The following TBC1D23 variants were observed in gnomAD, a reference collection of about 807,000 sequenced individuals.
The protein encoded by TBC1D23 is HCV non-structural protein 4A-transactivated protein 1.
In TBC1D23, 55 loss-of-function variants were observed where a neutral mutation model predicts 91.4. The ratio of observed to expected loss-of-function variants is 0.60; its 90% CI spans 0.48 to 0.75. The LOEUF (loss-of-function observed/expected upper bound fraction) is 0.75, where lower values mean the gene tolerates loss of function less well. Ranked by LOEUF, TBC1D23 falls within the 30% of genes least tolerant of loss-of-function variation. The pLI is 0.00. For synonymous variants in TBC1D23, 289 were observed against 281.0 expected, an observed-to-expected ratio of 1.03 and a Z score of -0.28; for missense variants, 725 against 836.1, an observed-to-expected ratio of 0.87 and a Z score of 1.64.
chr3:100,320,122 C>A (rs1705823633), intron 17 of TBC1D23, among the ~76,000 whole-genome samples: 1 of 152,072 alleles, frequency 6.6e-6, no homozygotes, highest in African/African-American at 2.4e-5. Flanking sequence ...CATCCCCCCA[C>A]CCCCTCGCTT....
chr3:100,322,735 A>G (rs1705881844), intron 18 of TBC1D23, among the ~76,000 whole-genome samples: 1 of 152,174 alleles, frequency 6.6e-6, no homozygotes, highest in African/African-American at 2.4e-5. Flanking sequence ...AATTTTGCTA[A>G]ATAAATTGAA....
At chr3:100,298,089 A>T in intron 9 of TBC1D23, 44 bp downstream of exon 9, 10 of 1,568,762 alleles carry the variant, frequency 6.4e-6, no homozygotes, top group Non-Finnish European at 8.7e-6. Flanking sequence ...GTTCATTTTA[A>T]ATACAAGGAA....
chr3:100,289,214 T>TA (rs2067768988), intron 4 of TBC1D23, among the ~76,000 whole-genome samples: 3 of 151,796 alleles, frequency 2.0e-5, no homozygotes. Context: ...GACCCTGTCT[T>TA]AAAAAAACAA....
intron 4 of TBC1D23, chr3:100,284,016 C>T: frequency 3.9e-6 from 2 of 510,364 alleles, no homozygotes; most frequent in Non-Finnish European, 6.9e-6. Flanking sequence ...ACTTCTGAAA[C>T]AGTGGTTATA....
chr3:100,316,227 T>G, intron 16 of TBC1D23, 40 bp downstream of exon 16: 8 of 1,374,346 alleles, frequency 5.8e-6, no homozygotes, highest in Non-Finnish European at 7.3e-6. Context: ...TTTGCTGTCA[T>G]TAGGAGTGAT....
At position 100,301,058 on chromosome 3, in the gene TBC1D23, TTA is replaced by T. The variant is rs1705418146; in HGVS notation, c.1093-1006_1093-1005del. On this transcript the variant is annotated intron_variant, in intron 10 of 18. Transcript: ENST00000394144. ...TAATAATGCTGCATTTGACATCTTTTTATACATTTTGTGAACTTATGCAAATA... is the reference window on the plus strand; with the variant it reads ...TAATAATGCTGCATTTGACATCTTTTTACATTTTGTGAACTTATGCAAATA... 2.6e-5 allele frequency among the ~76,000 whole-genome samples: 4 copies of T among 152,206 alleles called. No homozygotes were observed. In the South Asian group the frequency reaches 8.3e-4, roughly 32 times the overall value.
intron 8 of TBC1D23, among the ~76,000 whole-genome samples, chr3:100,296,826 C>G (rs1257126897): frequency 1.4e-5 from 2 of 147,966 alleles, no homozygotes; most frequent in Non-Finnish European, 3.0e-5. Context: ...TGCCACTGCA[C>G]TCCAGCCTGG....
rs148623930 is a variant in TBC1D23, at chr3:100,297,945, G to C, written c.899G>C (p.Ser300Thr). 1,772 of 1,611,076 alleles carry C rather than the reference G, an allele frequency of 1.1e-3. 5 individuals carry two copies. The highest frequency in any genetic ancestry group is 2.3e-3 in the South Asian group (207 of 90,880). The change falls in exon 9 of 19, where the codon AGT becomes ACT. Residue 300 changes from serine to threonine, a missense_variant. Transcript: ENST00000394144. ...CAGGATAATCACCATCTCTTTGGTA[G>C]TACTTTGTTGGGAATTAAGGATGAT... ...FRKDNHHLFGSTLLGIKDDDA... is the reference protein window; with the variant it reads ...FRKDNHHLFGTTLLGIKDDDA...
At chr3:100,289,760 A>G (rs1034881628) in intron 4 of TBC1D23, among the ~76,000 whole-genome samples, 3 of 152,126 alleles carry the variant, frequency 2.0e-5, no homozygotes, top group African/African-American at 7.2e-5. Flanking sequence ...AATTATTTCT[A>G]ACTTTTATTC....
chr3:100,263,537 G>A (rs1225069942), intron 1 of TBC1D23, among the ~76,000 whole-genome samples: 2 of 152,202 alleles, frequency 1.3e-5, no homozygotes, highest in African/African-American at 4.8e-5. Flanking sequence ...GAGAGAAGTT[G>A]CAGAAAAATA....
intron 1 of TBC1D23, chr3:100,279,436 A>G: frequency 2.7e-6 from 1 of 368,338 alleles, no homozygotes; most frequent in Non-Finnish European, 5.0e-6. Context: ...GGAAAAGACA[A>G]CCAAACTAAG....
At chr3:100,321,429 T>G (rs1473143897) in intron 18 of TBC1D23, among the ~76,000 whole-genome samples, 1 of 152,196 alleles carries the variant, frequency 6.6e-6, no homozygotes, top group Non-Finnish European at 1.5e-5. Context: ...GTTCACAGAC[T>G]GGCCCAAGAG....
chr3:100,290,692 A>C lies in TBC1D23; in HGVS notation c.591A>C (p.Ala197=), dbSNP rs565493388. The C allele has an allele frequency of 3.1e-6, 5 of 1,606,554 alleles. No homozygotes were observed. The highest frequency in any genetic ancestry group is 4.3e-6 in the Non-Finnish European group (5 of 1,175,698). The change falls in exon 5 of 19, where the codon GCA becomes GCC. Residue 197 remains alanine (A), a synonymous_variant. Transcript: ENST00000394144. ...AGAAAATTACTCCAGACTCCTATGCACTCAACTGGGTAATAAAGTGAAAGT... is the reference window on the plus strand; with the variant it reads ...AGAAAATTACTCCAGACTCCTATGCCCTCAACTGGGTAATAAAGTGAAAGT... ...DTKKITPDSY[A]LNWLGSLFAC...
At chr3:100,315,112 A>G (rs1034477580) in intron 15 of TBC1D23, among the ~76,000 whole-genome samples, 6 of 149,012 alleles carry the variant, frequency 4.0e-5, no homozygotes, top group Admixed American at 1.3e-4. Context: ...GTTTGAGTTT[A>G]CATGTTATTT....
intron 4 of TBC1D23, among the ~76,000 whole-genome samples, chr3:100,289,981 A>G (rs2067775741): frequency 6.6e-6 from 1 of 152,234 alleles, no homozygotes. Context: ...CTTTAAAACA[A>G]CATTCAGATC....
At chr3:100,321,064 A>T in intron 18 of TBC1D23, 93 bp downstream of exon 18, 1 of 951,096 alleles carries the variant, frequency 1.1e-6, no homozygotes. Flanking sequence ...TATTTTGGGG[A>T]ATGGATGGTG....
At chr3:100,263,622 AG>A in intron 1 of TBC1D23, among the ~76,000 whole-genome samples, 1 of 152,380 alleles carries the variant, frequency 6.6e-6, no homozygotes, top group East Asian at 1.9e-4. Context: ...ATAGTAAAAA[AG>A]TTTTTAACTA....
chr3:100,266,169 CTA>C (rs2067555915), intron 1 of TBC1D23, among the ~76,000 whole-genome samples: 1 of 151,966 alleles, frequency 6.6e-6, no homozygotes, highest in African/African-American at 2.4e-5. Context: ...ATTTTGTAAA[CTA>C]TAATTAGAGG....
chr3:100,293,354 C>T (rs570370440), intron 5 of TBC1D23, among the ~76,000 whole-genome samples: 16 of 152,000 alleles, frequency 1.1e-4, no homozygotes, highest in African/African-American at 3.4e-4. Flanking sequence ...AGGATGGTCT[C>T]GATCTCCTGA....
Sources: gnomAD v4.1 joint callset for allele counts (sites outside exome capture counted in the v4.1 genomes callset) on GRCh38, gnomAD v4.1.1 for gene constraint, MANE v1.5 for transcripts, NCBI Gene and HGNC (gene_info 2026-07-23, HGNC 2026-07-21) for gene names.